ZNF440: variants seen among roughly 807,000 people sequenced by gnomAD.
ZNF440 encodes the protein zinc finger protein 440.
A neutral mutation model predicts 49.7 loss-of-function variants in ZNF440; 47 were observed. The ratio of observed to expected loss-of-function variants is 0.95; its 90% CI spans 0.75 to 1.21. The LOEUF (loss-of-function observed/expected upper bound fraction) is 1.21, where lower values mean the gene tolerates loss of function less well. ZNF440 is among the 50% of genes most tolerant of loss of function. The pLI is 0.00. For missense variants in ZNF440, 703 were observed against 715.0 expected, an observed-to-expected ratio of 0.98 and a Z score of 0.19; for synonymous variants, 255 against 237.7, an observed-to-expected ratio of 1.07 and a Z score of -0.67.
In ZNF440 at chr19:11,830,402, C is replaced by G. The variant is rs778726405; in HGVS notation, c.123C>G (p.Thr41=). Residue 41 remains threonine (T), a synonymous_variant, in exon 2 of 4, where the codon ACC becomes ACG. Transcript: ENST00000304060. ...TGCTGGAAACTTTCAGGAACCTGAC[C>G]TCTTTAGGTAAGGATGACAATATTC... ...EVMLETFRNL[T]SLGKRWKDQN... is the part of the protein sequence containing the mutation. The G allele has an allele frequency of 3.1e-6, 5 of 1,614,090 alleles. No homozygotes were observed. The Admixed American group carries it at 8.3e-5, about 27-fold the overall frequency.
intron 1 of ZNF440, chr19:11,829,979 A>G (rs1044633747): frequency 5.6e-6 from 2 of 356,524 alleles, no homozygotes; most frequent in African/African-American, 4.3e-5. Context: ...AACATTAGCC[A>G]GGCATGGTGG....
intron 1 of ZNF440, among the ~76,000 whole-genome samples, chr19:11,825,668 C>A (rs1046745612): frequency 6.6e-6 from 1 of 151,776 alleles, no homozygotes; most frequent in Non-Finnish European, 1.5e-5. Flanking sequence ...CTTTCTTTAT[C>A]TAAAGATTTT....
chr19:11,830,413 A>C lies in ZNF440; in HGVS notation c.130+4A>C, dbSNP rs770284901. On this transcript the variant is annotated splice_donor_region_variant and intron_variant, in intron 2 of 3. Coordinates refer to ENST00000304060, the MANE Select transcript of ZNF440 (RefSeq NM_152357.3). ...TTCAGGAACCTGACCTCTTTAGGTA[A>C]GGATGACAATATTCCTTCCCTCAGT... 1 of 1,613,990 alleles carries C rather than the reference A, an allele frequency of 6.2e-7. No homozygotes were observed.
At chr19:11,828,760 C>A (rs1037040363) in intron 1 of ZNF440, among the ~76,000 whole-genome samples, 4 of 151,468 alleles carry the variant, frequency 2.6e-5, no homozygotes, top group Non-Finnish European at 4.4e-5. Flanking sequence ...TCTTGGCTCA[C>A]CACAACCTCC....
intron 1 of ZNF440, 136 bp from the exon 2 acceptor site, chr19:11,830,147 G>A: frequency 6.7e-7 from 1 of 1,501,056 alleles, no homozygotes; most frequent in South Asian, 1.4e-5. Flanking sequence ...TACACAGGGA[G>A]AAAGAGATCT....
intron 1 of ZNF440, among the ~76,000 whole-genome samples, chr19:11,828,993 T>G (rs417093): frequency 6.6e-6 from 1 of 151,992 alleles, no homozygotes; most frequent in Non-Finnish European, 1.5e-5. Flanking sequence ...TAAGATGTCA[T>G]TTTCTAAGAG....
In ZNF440 at chr19:11,832,684, A is replaced by T; in HGVS notation, c.1508A>T (p.Asp503Val). ...CCTTCAGTAGTTCCAGTTCCTTTTG[A>T]TATCATGAAAGGACTCACACTGGAG... Reference protein sequence around the residue: ...VVPSVVPVPFDIMKGLTLERS... With the variant: ...VVPSVVPVPFVIMKGLTLERS... The change falls in exon 4 of 4, where the codon GAT (aspartate) becomes GTT (valine). Residue 503 changes from aspartate (D) to valine (V), a missense_variant. Coordinates refer to ENST00000304060, the MANE Select transcript of ZNF440 (RefSeq NM_152357.3). 1 of 1,613,876 alleles carries T rather than the reference A, an allele frequency of 6.2e-7. No homozygotes were observed. Among genetic ancestry groups the T allele is most frequent in the Non-Finnish European group, 8.5e-7 (1 of 1,179,902 alleles).
rs1975963977 is a variant in ZNF440 at position 11,832,607 on chromosome 19, A to G, written c.1431A>G (p.Glu477=). Residue 477 remains glutamate, a synonymous_variant, in exon 4 of 4, where the codon GAA becomes GAG. Coordinates refer to ENST00000304060, the MANE Select transcript of ZNF440 (RefSeq NM_152357.3). ...GTCCCAAATCATTTCAAAGACATGA[A>G]AAAACTCACACTGGAGAGAAACTCT... ...FYCPKSFQRH[E]KTHTGEKLYE... 3 of 1,613,366 alleles carry G rather than the reference A, an allele frequency of 1.9e-6. No individual in the cohort carries two copies. Among genetic ancestry groups the G allele is most frequent in the African/African-American group, 1.3e-5 (1 of 74,764 alleles).
chr19:11,817,060 G>A (rs550128459), intron 1 of ZNF440: 32 of 152,310 alleles, frequency 2.1e-4, no homozygotes, highest in African/African-American at 7.7e-4. Context: ...TTGTCAACCC[G>A]AAATAATCGA....
At chr19:11,815,948 T>C (rs1975728266) in intron 1 of ZNF440, 1 of 152,252 alleles carries the variant, frequency 6.6e-6, no homozygotes, top group Admixed American at 6.6e-5. Flanking sequence ...TGGCTTGTGG[T>C]TTGTCAACGG....
chr19:11,822,706 G>A (rs1012926600), intron 1 of ZNF440, among the ~76,000 whole-genome samples: 2 of 152,088 alleles, frequency 1.3e-5, no homozygotes, highest in African/African-American at 4.8e-5. Context: ...AATTAGCCAA[G>A]CGTGGTGGTA....
In ZNF440 at chr19:11,830,145, G is replaced by A. The variant is rs1975916021; in HGVS notation, c.4-138G>A. The A allele has an allele frequency of 3.1e-5, 47 of 1,496,782 alleles. No homozygotes were observed. The South Asian group carries it at 6.0e-4, about 19-fold the overall frequency. The allele number at this position is 1,496,782 out of a possible 1,614,324, so 92.7% of individuals were successfully genotyped here. On this transcript the variant is annotated intron_variant, in intron 1 of 3. Coordinates refer to ENST00000304060, the MANE Select transcript of ZNF440 (RefSeq NM_152357.3). ...GTGGAAGAAAGTAAGTATACACAGG[G>A]AGAAAGAGATCTGATGACCAAAGCA...
At chr19:11,831,193 G>A (rs181899964) in intron 3 of ZNF440, among the ~76,000 whole-genome samples, 175 bp from the exon 4 acceptor site, 60 of 152,306 alleles carry the variant, frequency 3.9e-4, no homozygotes, top group Non-Finnish European at 6.9e-4. Context: ...TTAAATAATA[G>A]GTATGGCTGG....
At chr19:11,830,188 G>A (rs1471640197) in intron 1 of ZNF440, 95 bp from the exon 2 acceptor site, 16 of 1,569,580 alleles carry the variant, frequency 1.0e-5, no homozygotes, top group Non-Finnish European at 1.3e-5. Flanking sequence ...CGTGTTTGGA[G>A]TCCACGGCAT....
intron 1 of ZNF440, chr19:11,817,117 C>A (rs1349617185): frequency 6.6e-6 from 1 of 152,108 alleles, no homozygotes; most frequent in African/African-American, 2.4e-5. Flanking sequence ...AAAAAGATAG[C>A]AATGGCCCAT....
intron 1 of ZNF440, among the ~76,000 whole-genome samples, chr19:11,828,015 T>C (rs935801966): frequency 6.6e-6 from 1 of 152,218 alleles, no homozygotes; most frequent in African/African-American, 2.4e-5. Context: ...TTATTTATGC[T>C]GGAGGTTGCA....
At chr19:11,815,284 T>TCTCACACACACACACACACACACA (rs1555690473) in intron 1 of ZNF440, among the ~76,000 whole-genome samples, 1 of 121,062 alleles carries the variant, frequency 8.3e-6, no homozygotes, top group African/African-American at 3.2e-5. Context: ...GGCAACTCCG[T>TCTCACACACACACACACACACACA]CACACACACA....
intron 3 of ZNF440, 57 bp downstream of exon 3, chr19:11,830,734 A>C: frequency 6.5e-7 from 1 of 1,545,258 alleles, no homozygotes; most frequent in Non-Finnish European, 8.8e-7. Flanking sequence ...AGAATATGAC[A>C]ATATATTAAA....
chr19:11,833,255 A>C lies in ZNF440; in HGVS notation c.*291A>C, dbSNP rs381973. 6 of 777,212 alleles carry C rather than the reference A, an allele frequency of 7.7e-6. No individual in the cohort carries two copies. The highest frequency in any genetic ancestry group is 8.1e-6 in the Non-Finnish European group (4 of 493,560). 48.1% of individuals were successfully genotyped at this position (777,212 alleles called of 1,614,324 possible). A position where few individuals can be genotyped will look rare whatever the true frequency, so the allele number is the denominator to read the frequency against. On this transcript the variant is annotated 3_prime_UTR_variant, in exon 4 of 4. Transcript: ENST00000304060. ...GAAACCCTGTGAATGTAAGAAATGT[A>C]GAAAAGCATTCCATAATTTCTCTTC... is the stretch of plus-strand genomic sequence containing the variant.
Sources: allele counts gnomAD v4.1 joint callset (sites outside exome capture counted in the v4.1 genomes callset), GRCh38; gene constraint gnomAD v4.1.1; transcripts MANE v1.5; gene names NCBI Gene and HGNC (gene_info 2026-07-23, HGNC 2026-07-21).